CRTC1: variants seen among roughly 807,000 people sequenced by gnomAD.
CRTC1 encodes CREB regulated transcription coactivator 1.
In CRTC1, 18 loss-of-function variants were observed where a neutral mutation model predicts 66.1. The observed-to-expected ratio is 0.27, with a 90% CI of 0.19 to 0.40. The LOEUF (loss-of-function observed/expected upper bound fraction) is 0.40. Ranked by LOEUF, CRTC1 falls within the 10% of genes least tolerant of loss-of-function variation. The probability of loss-of-function intolerance (pLI) is 1.00; values close to 1 mark genes in which losing one functional copy is unlikely to be tolerated. For synonymous variants in CRTC1, 416 were observed against 398.8 expected (o/e 1.04, Z -0.51); for missense variants, 669 against 887.9 (o/e 0.75, Z 3.13).
intron 8 of CRTC1, among the ~76,000 whole-genome samples, chr19:18,762,812 G>A (rs1034663327): frequency 9.9e-5 from 15 of 152,244 alleles, no homozygotes; most frequent in Admixed American, 5.9e-4. Context: ...AGGGGTGGCC[G>A]AGAGCTCACT....
At chr19:18,775,222 G>A (rs767382300) in intron 12 of CRTC1, among the ~76,000 whole-genome samples, 2 of 152,242 alleles carry the variant, frequency 1.3e-5, no homozygotes, top group African/African-American at 2.4e-5. Flanking sequence ...CCTACAGAGC[G>A]GAGGCCGAGG....
At chr19:18,767,451 A>C (rs1440771601) in intron 9 of CRTC1, among the ~76,000 whole-genome samples, 2 of 152,130 alleles carry the variant, frequency 1.3e-5, no homozygotes, top group African/African-American at 4.8e-5. Context: ...ACCCTGTCTC[A>C]GCTTTCCGAA....
rs1024794363 is a variant in CRTC1 at position 18,735,997 on chromosome 19, C to T, written c.127-6913C>T. ...CTGGCAGGGGAGGTGGGGACACTGC[C>T]GTGGTGGGGCGGGAGCTGGGCTGGC... On this transcript the variant is annotated intron_variant, in intron 1 of 13. Transcript: ENST00000321949. Among the ~76,000 whole-genome samples, 7 of 152,218 alleles carry T rather than the reference C, an allele frequency of 4.6e-5. No homozygotes were observed. In the East Asian group the frequency reaches 7.7e-4, roughly 17 times the overall value.
intron 8 of CRTC1, among the ~76,000 whole-genome samples, chr19:18,763,482 C>T (rs531486604): frequency 6.6e-6 from 1 of 152,362 alleles, no homozygotes; most frequent in Admixed American, 6.5e-5. Context: ...TGTGCAGAGG[C>T]TCTGCCATCC....
Position 18,711,411 on chromosome 19 carries a change from G to A in CRTC1, c.126+27583G>A, listed in dbSNP as rs547748000. On this transcript the variant is annotated intron_variant, in intron 1 of 13. Coordinates refer to ENST00000321949, the MANE Select transcript of CRTC1 (RefSeq NM_015321.3). ...GGCGGGAGCTGGGGATGCATCCATC[G>A]CCTGCCAGGAATCCGGGCCCTGAGT... Among the ~76,000 whole-genome samples, 108 of 152,252 alleles carry A rather than the reference G, an allele frequency of 7.1e-4. 2 individuals are homozygous for A. Among genetic ancestry groups the A allele is most frequent in the African/African-American group, 2.3e-3 (94 of 41,550 alleles).
chr19:18,739,414 T>G (rs2054066121), intron 1 of CRTC1, among the ~76,000 whole-genome samples: 1 of 152,200 alleles, frequency 6.6e-6, no homozygotes, highest in African/African-American at 2.4e-5. Context: ...CTCCTGGGTT[T>G]TAATCTTAAG....
Position 18,760,092 on chromosome 19 carries a change from C to T in CRTC1, c.750C>T (p.Thr250=). Residue 250 remains threonine, a synonymous_variant, in exon 8 of 14, where the codon ACC becomes ACT. Transcript: ENST00000321949. This position sits in a 1 kb window ranked among gnomAD's most constrained non-coding sequence, Gnocchi z 6.2. The stretch of plus-strand genomic sequence containing the variant: ...CAGGGGGGTCCCTGCCCGACCTGAC[C>T]AACATCCACTTCCCCTCCCCGCTCC... The part of the protein sequence containing the change: ...HNTGGSLPDL[T]NIHFPSPLPT... The T allele has an allele frequency of 6.2e-7, 1 of 1,613,908 alleles. No individual in the cohort carries two copies. The highest frequency in any genetic ancestry group is 8.5e-7 in the Non-Finnish European group (1 of 1,179,884).
chr19:18,723,460 G>A (rs577612917), intron 1 of CRTC1, among the ~76,000 whole-genome samples: 12 of 152,300 alleles, frequency 7.9e-5, no homozygotes, highest in East Asian at 1.9e-4. Flanking sequence ...GTAGCAGGGC[G>A]TGAGGAAGGG....
chr19:18,753,970 G>A (rs1171352163), intron 6 of CRTC1, among the ~76,000 whole-genome samples: 2 of 152,162 alleles, frequency 1.3e-5, no homozygotes, highest in Non-Finnish European at 2.9e-5. Flanking sequence ...GTATGGTAGT[G>A]CACGCCTGTA....
At chr19:18,723,036 G>C (rs532775581) in intron 1 of CRTC1, among the ~76,000 whole-genome samples, 1 of 152,166 alleles carries the variant, frequency 6.6e-6, no homozygotes, top group East Asian at 1.9e-4. Flanking sequence ...TGCCTCCTGG[G>C]TTCAAGCGAT....
intron 1 of CRTC1, among the ~76,000 whole-genome samples, chr19:18,728,005 C>T (rs991312826): frequency 2.6e-5 from 4 of 152,202 alleles, no homozygotes; most frequent in South Asian, 2.1e-4. Flanking sequence ...GGATTACAGG[C>T]GTGAGCCACC....
chr19:18,767,641 G>T (rs2054766797), intron 9 of CRTC1, among the ~76,000 whole-genome samples: 1 of 152,288 alleles, frequency 6.6e-6, no homozygotes, highest in Admixed American at 6.5e-5. Context: ...GCTTACAAAG[G>T]TGTCTTATTC....
chr19:18,772,357 C>T (rs1316990922), intron 11 of CRTC1, among the ~76,000 whole-genome samples: 4 of 152,210 alleles, frequency 2.6e-5, no homozygotes, highest in Non-Finnish European at 5.9e-5. Context: ...ACAAGGCCAA[C>T]ATCCAGCCGC....
At chr19:18,686,988 T>C (rs540677579) in intron 1 of CRTC1, among the ~76,000 whole-genome samples, 61 of 149,040 alleles carry the variant, frequency 4.1e-4, no homozygotes, top group African/African-American at 1.3e-3. Context: ...GCCCCAGATG[T>C]CGGCAGTGCC....
chr19:18,686,476 G>A (rs772215702), intron 1 of CRTC1, among the ~76,000 whole-genome samples: 6 of 152,000 alleles, frequency 3.9e-5, no homozygotes, highest in Non-Finnish European at 5.9e-5. Flanking sequence ...GGTGAAACCC[G>A]TCTCCACTAA....
chr19:18,715,009 A>C (rs1201359225), intron 1 of CRTC1, among the ~76,000 whole-genome samples: 1 of 152,148 alleles, frequency 6.6e-6, no homozygotes, highest in Non-Finnish European at 1.5e-5. Flanking sequence ...ATGACCACAA[A>C]ATCTGGTGGT....
chr19:18,747,363 G>A (rs2054269791), intron 4 of CRTC1, among the ~76,000 whole-genome samples: 1 of 152,154 alleles, frequency 6.6e-6, no homozygotes, highest in Admixed American at 6.5e-5. Flanking sequence ...GGGACCAGGA[G>A]TGGTGGCTCA....
In CRTC1 at chr19:18,771,217, G is replaced by A. The variant is rs1042182765; in HGVS notation, c.1321-225G>A. Among the ~76,000 whole-genome samples, 11 of 145,316 alleles carry A rather than the reference G, an allele frequency of 7.6e-5. No homozygotes were observed. ...AGGAGGGCAGTTATTCACCCTCCAC[G>A]CCGTTCCTTCCTGGGTTCGGGGGCA... On this transcript the variant is annotated intron_variant, in intron 10 of 13. Transcript: ENST00000321949. The surrounding 1 kb of genome is among the most constrained non-coding windows in gnomAD (Gnocchi z 4.6).
chr19:18,694,279 C>T (rs1423629949), intron 1 of CRTC1, among the ~76,000 whole-genome samples: 3 of 135,362 alleles, frequency 2.2e-5, no homozygotes, highest in African/African-American at 5.7e-5. Flanking sequence ...CCAGCCTGGC[C>T]GACAGAGAGA....
Sources: gnomAD v4.1 joint callset for allele counts (sites outside exome capture counted in the v4.1 genomes callset) on GRCh38, gnomAD v4.1.1 for gene constraint, Gnocchi (gnomAD v3.1) non-coding constraint, MANE v1.5 for transcripts, NCBI Gene and HGNC (gene_info 2026-07-23, HGNC 2026-07-21) for gene names.